The following NUP155 variants were observed in gnomAD, a reference collection of about 807,000 sequenced individuals.
NUP155 encodes nuclear pore complex protein Nup155.
NUP155 carries 71 observed loss-of-function variants against 180.4 expected under a neutral mutation model. The ratio of observed to expected loss-of-function variants is 0.39; its 90% CI spans 0.33 to 0.48. The LOEUF is 0.48. NUP155 is among the 20% of genes least tolerant of loss of function. The pLI is 0.91. For missense variants in NUP155, 1,553 were observed against 1,648.9 expected, an observed-to-expected ratio of 0.94 and a Z score of 1.01; for synonymous variants, 582 against 559.5, an observed-to-expected ratio of 1.04 and a Z score of -0.57.
In NUP155 at chr5:37,309,182, T is replaced by A; in HGVS notation, c.2714A>T (p.Gln905Leu). 1 of 1,613,666 alleles carries A rather than the reference T, an allele frequency of 6.2e-7. No homozygotes were observed. The highest frequency in any genetic ancestry group is 8.5e-7 in the Non-Finnish European group (1 of 1,179,732). Residue 905 changes from glutamine to leucine, a missense_variant, in exon 24 of 35, where the codon CAA becomes CTA. Transcript: ENST00000231498. ...AAGGTCCACTTGATTGCTAATTTTT[T>A]GATATTCCTTTAATGATTCCCTTAA... ...RMLRESLKEYQKISNQVDLSN... is the reference protein window; with the variant it reads ...RMLRESLKEYLKISNQVDLSN...
At chr5:37,314,102 G>A (rs1157730563) in intron 22 of NUP155, 96 bp downstream of exon 22, 1 of 853,966 alleles carries the variant, frequency 1.2e-6, no homozygotes, top group African/African-American at 1.7e-5. Flanking sequence ...TAACTTAAAT[G>A]CTTCCCAAAA....
chr5:37,309,359 T>C lies in NUP155; in HGVS notation c.2629-92A>G. The C allele has an allele frequency of 9.6e-6, 10 of 1,042,142 alleles. No individual in the cohort carries two copies. In the South Asian group the frequency reaches 1.4e-4, roughly 15 times the overall value. The allele number at this position is 1,042,142 out of a possible 1,614,324, so 64.6% of individuals were successfully genotyped here. ...AAGTTTTAGTCTATGTCTAAATTTA[T>C]ATATGGTTATTACCATTAAAATGAA... On this transcript the variant is annotated intron_variant, in intron 23 of 34. Coordinates refer to ENST00000231498, the MANE Select transcript of NUP155 (RefSeq NM_153485.3).
intron 11 of NUP155, among the ~76,000 whole-genome samples, chr5:37,339,236 G>T (rs1012086624): frequency 2.0e-5 from 3 of 151,148 alleles, no homozygotes; most frequent in Non-Finnish European, 4.4e-5. Flanking sequence ...TGCTTGAGCC[G>T]GGGAGGTAGA....
Position 37,288,252 on chromosome 5 carries a change from C to T in NUP155, c.*3648G>A, listed in dbSNP as rs1315354246. 6.6e-6 allele frequency: 1 copy of T among 152,124 alleles called. No homozygotes were observed. Among genetic ancestry groups the T allele is most frequent in the Non-Finnish European group, 1.5e-5 (1 of 68,026 alleles). The allele number at this position is 152,124 out of a possible 1,614,324, so 9.4% of individuals were successfully genotyped here. On this transcript the variant is annotated 3_prime_UTR_variant, in exon 35 of 35. Coordinates refer to ENST00000231498, the MANE Select transcript of NUP155 (RefSeq NM_153485.3). ...ATTCAATGTTCTAGTTCTTCATTTC[C>T]TTGATACAACTCTGTACCATGGTCA... is the stretch of plus-strand genomic sequence containing the variant.
Position 37,331,541 on chromosome 5 carries a change from T to G in NUP155, c.1629+144A>C, listed in dbSNP as rs183163227. The G allele has an allele frequency of 6.9e-4, 304 of 439,738 alleles. 2 individuals are homozygous for G. The highest frequency in any genetic ancestry group is 5.6e-3 in the African/African-American group (275 of 49,222). 27.2% of individuals were successfully genotyped at this position (439,738 alleles called of 1,614,324 possible). On this transcript the variant is annotated intron_variant, in intron 14 of 34. Transcript: ENST00000231498. ...GTGAGCCAAGATTGCGCCATTGCAC[T>G]CCTGCCTGGGCAACAAGAGCGAAAC...
chr5:37,370,734 G>A, intron 1 of NUP155, 87 bp downstream of exon 1: 2 of 1,612,366 alleles, frequency 1.2e-6, no homozygotes, highest in Non-Finnish European at 1.7e-6. Flanking sequence ...GCATATCCTC[G>A]CCGGGACCAA....
chr5:37,330,079 A>C lies in NUP155; in HGVS notation c.1683T>G (p.Cys561Trp). The C allele has an allele frequency of 6.2e-7, 1 of 1,613,822 alleles. No homozygotes were observed. The highest frequency in any genetic ancestry group is 8.5e-7 in the Non-Finnish European group (1 of 1,179,856). ...TAGCCCAGGCAGATACTTCTCTATC[A>C]CAGGCAGCAGTGGAGCAAGCAAGAA... is the stretch of plus-strand genomic sequence containing the variant. Reference protein sequence around the residue: ...CLILACSTAACDREVSAWATR... With the variant: ...CLILACSTAAWDREVSAWATR... The change falls in exon 15 of 35, where the codon TGT becomes TGG. Residue 561 changes from cysteine to tryptophan, a missense_variant. By Grantham distance (215) the Cys-to-Trp change is radical (BLOSUM62 -2). Coordinates refer to ENST00000231498, the MANE Select transcript of NUP155 (RefSeq NM_153485.3).
At chr5:37,333,758 T>C in intron 12 of NUP155, 125 bp from the exon 13 acceptor site, 1 of 726,152 alleles carries the variant, frequency 1.4e-6, no homozygotes, top group Non-Finnish European at 2.3e-6. Context: ...TTTTTGAAAG[T>C]ATTATGTAAT....
At chr5:37,338,789 T>G (rs183957611) in intron 11 of NUP155, among the ~76,000 whole-genome samples, 4 of 152,300 alleles carry the variant, frequency 2.6e-5, no homozygotes, top group Admixed American at 2.6e-4. Flanking sequence ...GTAGACTCCT[T>G]AAGTGTTCTC....
At chr5:37,336,125 ACCTT>A (rs1745313269) in intron 12 of NUP155, among the ~76,000 whole-genome samples, 1 of 152,128 alleles carries the variant, frequency 6.6e-6, no homozygotes, top group African/African-American at 2.4e-5. Flanking sequence ...ACAAAAGTCC[ACCTT>A]TGTTTGAGAA....
At chr5:37,347,821 CG>C (rs1261771491) in intron 9 of NUP155, among the ~76,000 whole-genome samples, 1 of 151,338 alleles carries the variant, frequency 6.6e-6, no homozygotes, top group Non-Finnish European at 1.5e-5. Context: ...GCCAACATGG[CG>C]AAACCCAATC....
intron 4 of NUP155, among the ~76,000 whole-genome samples, chr5:37,355,659 C>T (rs1746779220): frequency 6.6e-6 from 1 of 151,584 alleles, no homozygotes; most frequent in Admixed American, 6.6e-5. Flanking sequence ...GCTCACTGCA[C>T]GCTCCACCTC....
intron 13 of NUP155, among the ~76,000 whole-genome samples, chr5:37,332,313 CTTTTTTTTTTTT>C (rs1021002313): frequency 5.7e-5 from 5 of 87,704 alleles, no homozygotes; most frequent in East Asian, 5.4e-4. Context: ...GCCATTACAG[CTTTTTTTTTTTT>C]TTTTTTTTTT....
chr5:37,365,524 G>A (rs1244255301), intron 1 of NUP155, among the ~76,000 whole-genome samples: 1 of 151,026 alleles, frequency 6.6e-6, no homozygotes, highest in Non-Finnish European at 1.5e-5. Context: ...TGGCCAAAAT[G>A]GTGAAACCCT....
chr5:37,330,065 G>A lies in NUP155; in HGVS notation c.1697C>T (p.Ser566Phe), dbSNP rs1385298033. Residue 566 changes from serine (S) to phenylalanine (F), a missense_variant, in exon 15 of 35, where the codon TCT (serine) becomes TTT (phenylalanine). Ser to Phe is a radical substitution (Grantham distance 155). Coordinates refer to ENST00000231498, the MANE Select transcript of NUP155 (RefSeq NM_153485.3). Reference sequence around the variant, plus strand: ...AAAGAAAGCCCGAGTAGCCCAGGCAGATACTTCTCTATCACAGGCAGCAGT... The same window carrying A: ...AAAGAAAGCCCGAGTAGCCCAGGCAAATACTTCTCTATCACAGGCAGCAGT... ...CSTAACDREV[S>F]AWATRAFFRY... The A allele has an allele frequency of 6.2e-7, 1 of 1,613,654 alleles. No homozygotes were observed. The highest frequency in any genetic ancestry group is 1.7e-5 in the Admixed American group (1 of 59,984).
chr5:37,320,391 C>T (rs1227718280), intron 20 of NUP155, among the ~76,000 whole-genome samples: 5 of 152,160 alleles, frequency 3.3e-5, no homozygotes, highest in African/African-American at 9.7e-5. Context: ...GCAGGAGCAT[C>T]GCTTGAACCC....
intron 3 of NUP155, among the ~76,000 whole-genome samples, chr5:37,360,261 A>G (rs2111684228): frequency 6.6e-6 from 1 of 151,590 alleles, no homozygotes; most frequent in East Asian, 2.0e-4. Flanking sequence ...AGGCGGGTGG[A>G]TCACGAGGTC....
intron 16 of NUP155, among the ~76,000 whole-genome samples, chr5:37,328,662 G>C (rs540883759): frequency 6.6e-6 from 1 of 152,156 alleles, no homozygotes; most frequent in South Asian, 2.1e-4. Context: ...CACCACCACA[G>C]GCCGGCTACT....
chr5:37,326,593 T>C (rs907334461), intron 18 of NUP155, among the ~76,000 whole-genome samples: 3 of 152,154 alleles, frequency 2.0e-5, no homozygotes, highest in African/African-American at 7.2e-5. Flanking sequence ...TAAATAATCT[T>C]TGGCTGGCCT....
Sources: allele counts gnomAD v4.1 joint callset (sites outside exome capture counted in the v4.1 genomes callset), GRCh38; gene constraint gnomAD v4.1.1; transcripts MANE v1.5; gene names NCBI Gene and HGNC (gene_info 2026-07-23, HGNC 2026-07-21).